The following HSPA12A variants were observed in gnomAD, a reference collection of about 807,000 sequenced individuals.
HSPA12A encodes the protein heat shock 70 kDa protein 12A.
In HSPA12A, 28 loss-of-function variants were observed where a neutral mutation model predicts 69.2. The observed-to-expected ratio is 0.40, with a 90% CI of 0.30 to 0.55. The LOEUF is 0.55. Among genes scored for constraint, HSPA12A ranks in the 20% least tolerant of loss-of-function variants. The pLI is 0.38. For missense variants in HSPA12A, 686 were observed against 900.7 expected, an observed-to-expected ratio of 0.76 and a Z score of 3.05; for synonymous variants, 345 against 370.5, an observed-to-expected ratio of 0.93 and a Z score of 0.79.
At chr10:116,765,315 A>G (rs1484750880) in intron 2 of HSPA12A, among the ~76,000 whole-genome samples, 4 of 152,204 alleles carry the variant, frequency 2.6e-5, no homozygotes, top group Non-Finnish European at 5.9e-5. Context: ...ATTAAACCTG[A>G]AACATCAAAA....
At chr10:116,788,293 C>G (rs80005944) in intron 2 of HSPA12A, among the ~76,000 whole-genome samples, 11,985 of 152,172 alleles carry the variant, frequency 0.079, 545 homozygotes, top group East Asian at 0.18. Context: ...CGGGCCCACG[C>G]TTGAGTGTTC....
rs141522562 is a variant in HSPA12A at position 116,685,140 on chromosome 10, G to T, written c.664-1178C>A. On this transcript the variant is annotated intron_variant, in intron 6 of 11. Transcript: ENST00000369209. ...CCTTGGGATGCTGCCTTCATACCAT[G>T]CCTACTGGGAGGAAGGCCTCAAGTT... Among the ~76,000 whole-genome samples, 426 of 152,324 alleles carry T rather than the reference G, an allele frequency of 2.8e-3. 3 individuals carry two copies. Among genetic ancestry groups the T allele is most frequent in the African/African-American group, 9.9e-3 (413 of 41,576 alleles).
intron 1 of HSPA12A, chr10:116,835,049 C>T (rs1290856029): frequency 1.6e-6 from 2 of 1,212,540 alleles, no homozygotes; most frequent in Non-Finnish European, 2.1e-6. Flanking sequence ...AAGAGTTGCA[C>T]TGTGAAAATG....
rs2133031625 is a variant in HSPA12A, at chr10:116,723,770, C to T, written c.41-16485G>A. 6.6e-6 allele frequency among the ~76,000 whole-genome samples: 1 copy of T among 152,336 alleles called. No individual in the cohort carries two copies. Among genetic ancestry groups the T allele is most frequent in the South Asian group, 2.1e-4 (1 of 4,828 alleles). On this transcript the variant is annotated intron_variant, in intron 1 of 11. Coordinates refer to ENST00000369209, the MANE Select transcript of HSPA12A (RefSeq NM_025015.3). This position sits in a 1 kb window ranked among gnomAD's most constrained non-coding sequence, Gnocchi z 4.1. ...GGTGGGACCAGCAGCCCTGCTCCTG[C>T]AGTCAGCCTCTCCACCCGTTCCTTA...
chr10:116,688,858 A>G (rs1849653082), intron 6 of HSPA12A, among the ~76,000 whole-genome samples: 1 of 152,128 alleles, frequency 6.6e-6, no homozygotes, highest in African/African-American at 2.4e-5. Flanking sequence ...CCTATCCACA[A>G]TCCCCACAGC....
chr10:116,685,622 T>G (rs1554879418), intron 6 of HSPA12A, among the ~76,000 whole-genome samples: 2 of 138,244 alleles, frequency 1.4e-5, no homozygotes. Flanking sequence ...GTGACAAGAG[T>G]GAAACTCCAT....
rs1248793492 is a variant in HSPA12A at position 116,742,439 on chromosome 10, C to G, written c.31G>C (p.Gly11Arg). ...CGCAGCCTGCGCTCACCTCGGGGCC[C>G]GTCGCTGCCGCCGGCCTCCTTGTCC... Reference protein sequence around the residue: MADKEAGGSDGPRETAPTSAY... With the variant: MADKEAGGSDRPRETAPTSAY... Residue 11 changes from glycine to arginine, a missense_variant, in exon 1 of 12, where the codon GGG (glycine) becomes CGG (arginine). Physicochemically the swap from Gly to Arg is moderately radical, Grantham distance 125 (BLOSUM62 -2). Coordinates refer to ENST00000369209, the MANE Select transcript of HSPA12A (RefSeq NM_025015.3). The G allele has an allele frequency of 3.5e-6, 5 of 1,414,074 alleles. No individual in the cohort carries two copies. In the East Asian group the frequency reaches 9.8e-5, roughly 28 times the overall value. The allele number at this position is 1,414,074 out of a possible 1,614,324, so 87.6% of individuals were successfully genotyped here.
intron 4 of HSPA12A, among the ~76,000 whole-genome samples, chr10:116,699,885 A>G (rs1194636782): frequency 2.6e-5 from 4 of 152,396 alleles, no homozygotes; most frequent in African/African-American, 9.6e-5. Flanking sequence ...CGATGGGCAC[A>G]GAGCCTTGAA....
intron 2 of HSPA12A, among the ~76,000 whole-genome samples, chr10:116,771,576 T>C (rs1844211938): frequency 6.6e-6 from 1 of 152,176 alleles, no homozygotes. Flanking sequence ...GGGAGGATGT[T>C]TCCGGAATGA....
intron 2 of HSPA12A, among the ~76,000 whole-genome samples, chr10:116,759,993 C>T (rs1441756658): frequency 3.3e-5 from 5 of 152,152 alleles, no homozygotes; most frequent in African/African-American, 1.2e-4. Flanking sequence ...GAACTATGAA[C>T]CCATTAAACC....
intron 2 of HSPA12A, among the ~76,000 whole-genome samples, chr10:116,800,962 G>A (rs1185465304): frequency 6.6e-6 from 1 of 152,150 alleles, no homozygotes; most frequent in East Asian, 1.9e-4. Flanking sequence ...ACATTTCCTT[G>A]CTCAGAACTC....
Position 116,763,721 on chromosome 10 carries a change from G to C in HSPA12A, c.92-56436C>G, listed in dbSNP as rs59191686. ...TCCCTCATGAACAAAATGTGCTCTGGACTAGGAGGTTTTTTTGGGTTACAA... is the reference window on the plus strand; with the variant it reads ...TCCCTCATGAACAAAATGTGCTCTGCACTAGGAGGTTTTTTTGGGTTACAA... On this transcript the variant is annotated intron_variant, in intron 2 of 12. Transcript: ENST00000635765. Among the ~76,000 whole-genome samples, 413 of 152,282 alleles carry C rather than the reference G, an allele frequency of 2.7e-3. 2 individuals carry two copies. The highest frequency in any genetic ancestry group is 9.5e-3 in the African/African-American group (395 of 41,560).
upstream of HSPA12A, chr10:116,742,578 C>T: frequency 8.8e-7 from 1 of 1,137,598 alleles, no homozygotes; most frequent in East Asian, 4.5e-5. Flanking sequence ...AGCCGCCGGG[C>T]AGCGGGAGCG....
intron 1 of HSPA12A, among the ~76,000 whole-genome samples, chr10:116,726,529 C>G (rs1254509148): frequency 1.3e-5 from 2 of 152,098 alleles, no homozygotes; most frequent in African/African-American, 4.8e-5. Flanking sequence ...TACCACCCCC[C>G]TTGTGAGTGC....
intron 1 of HSPA12A, among the ~76,000 whole-genome samples, chr10:116,847,233 A>G (rs1484443429): frequency 6.6e-6 from 1 of 152,108 alleles, no homozygotes; most frequent in African/African-American, 2.4e-5. Context: ...TTGCTTCCCC[A>G]ACTCCACCAC....
rs530287049 is a variant in HSPA12A at position 116,790,793 on chromosome 10, C to T, written c.91+44142G>A. Among the ~76,000 whole-genome samples, 7 of 152,188 alleles carry T rather than the reference C, an allele frequency of 4.6e-5. No homozygotes were observed. The East Asian group carries it at 7.8e-4, about 17-fold the overall frequency. The stretch of plus-strand genomic sequence containing the variant: ...GCAACCTTTGCCTCCCAGGTTCAAG[C>T]GATTCTCCTGTCTCAGCCTCCCAAG... On this transcript the variant is annotated intron_variant, in intron 2 of 12. Coordinates refer to the HSPA12A transcript ENST00000635765.
In HSPA12A at chr10:116,846,297, T is replaced by C. The variant is rs752801562; in HGVS notation, c.3+3269A>G. Among the ~76,000 whole-genome samples, 133 of 152,258 alleles carry C rather than the reference T, an allele frequency of 8.7e-4. 1 individual carries two copies. The highest frequency in any genetic ancestry group is 6.2e-4 in the Non-Finnish European group (42 of 68,018). On this transcript the variant is annotated intron_variant, in intron 1 of 12. Transcript: ENST00000635765. ...TCATCCTATTATAACTGTAACATTC[T>C]TCCCTCAAATATTGTTAATGTAATT...
intron 7 of HSPA12A, 109 bp from the exon 8 acceptor site, chr10:116,681,986 T>C (rs1849418448): frequency 2.1e-6 from 2 of 953,504 alleles, no homozygotes; most frequent in Admixed American, 4.2e-5. Flanking sequence ...GATGGAACAT[T>C]AGTGACATTT....
chr10:116,816,164 C>T (rs1245634209), intron 2 of HSPA12A, among the ~76,000 whole-genome samples: 1 of 152,248 alleles, frequency 6.6e-6, no homozygotes, highest in African/African-American at 2.4e-5. Flanking sequence ...TCAGCCCTCA[C>T]GCAAAGACCA....
Sources: allele counts gnomAD v4.1 joint callset (sites outside exome capture counted in the v4.1 genomes callset), GRCh38; gene constraint gnomAD v4.1.1; non-coding constraint Gnocchi (gnomAD v3.1); transcripts MANE v1.5; gene names NCBI Gene and HGNC (gene_info 2026-07-23, HGNC 2026-07-21).